Variants in FRMPD4 observed in about 807,000 individuals in gnomAD.
FRMPD4 encodes the protein FERM and PDZ domain-containing protein 4.
In FRMPD4, 22 loss-of-function variants were observed where a neutral mutation model predicts 94.1. The observed-to-expected ratio is 0.23, with a 90% confidence interval of 0.17 to 0.33. FRMPD4 has a LOEUF of 0.33. Ranked by LOEUF, FRMPD4 falls within the 10% of genes least tolerant of loss-of-function variation. FRMPD4 has a pLI of 1.00. For missense variants in FRMPD4, 1,111 were observed against 1,339.9 expected, an observed-to-expected ratio of 0.83 and a Z score of 2.67; for synonymous variants, 631 against 548.6, an observed-to-expected ratio of 1.15 and a Z score of -2.10.
chrX:12,054,705 A>G (rs1158453513), intron 3 of FRMPD4: 1 of 112,218 alleles, frequency 8.9e-6, no homozygotes, highest in Non-Finnish European at 1.9e-5. Context: ...AACTCTGGCA[A>G]GATGAACATA....
At chrX:11,987,422 A>C (rs1169950360) in intron 3 of FRMPD4, among the ~76,000 whole-genome samples, 1 of 111,673 alleles carries the variant, frequency 9.0e-6, no homozygotes, top group Non-Finnish European at 1.9e-5. Flanking sequence ...AACATACCTC[A>C]ACATGATAAA....
intron 3 of FRMPD4, among the ~76,000 whole-genome samples, chrX:11,880,525 A>C: frequency 1.8e-5 from 2 of 112,255 alleles, no homozygotes; most frequent in South Asian, 7.4e-4. Context: ...GACTTGGGAA[A>C]AGGAGTGAGT....
intron 2 of FRMPD4, among the ~76,000 whole-genome samples, chrX:12,507,954 A>G (rs990467263): frequency 8.9e-6 from 1 of 112,126 alleles, no homozygotes; most frequent in Admixed American, 9.5e-5. Flanking sequence ...TACAGAGGAC[A>G]GGAAATGATA....
intron 4 of FRMPD4, among the ~76,000 whole-genome samples, chrX:12,636,010 A>G (rs1375743866): frequency 1.8e-5 from 2 of 111,789 alleles, no homozygotes; most frequent in African/African-American, 6.5e-5. Context: ...ATAGTTCAGT[A>G]TGTGTCTCTA....
chrX:12,153,556 A>C (rs1403441519), intron 1 of FRMPD4, among the ~76,000 whole-genome samples: 4 of 112,235 alleles, frequency 3.6e-5, no homozygotes, highest in African/African-American at 1.3e-4. Flanking sequence ...TTTCATTCCG[A>C]TGTGGTCATG....
intron 1 of FRMPD4, among the ~76,000 whole-genome samples, chrX:12,287,113 G>T (rs1353434636): frequency 8.9e-6 from 1 of 112,518 alleles, no homozygotes; most frequent in Non-Finnish European, 1.9e-5. Flanking sequence ...GCACTATCTA[G>T]ATGTTAGGAA....
chrX:11,912,571 GA>G (rs1162109466), intron 3 of FRMPD4, among the ~76,000 whole-genome samples: 3 of 111,159 alleles, frequency 2.7e-5, no homozygotes, highest in African/African-American at 6.5e-5. Context: ...ACCTATGAAG[GA>G]AAAAAAGTCC....
intron 3 of FRMPD4, among the ~76,000 whole-genome samples, chrX:11,948,663 C>A (rs1315166294): frequency 9.0e-6 from 1 of 110,857 alleles, no homozygotes; most frequent in Non-Finnish European, 1.9e-5. Context: ...AACCACTCTG[C>A]CTTACTGCCA....
intron 1 of FRMPD4, among the ~76,000 whole-genome samples, chrX:12,445,164 G>T (rs912918821): frequency 8.9e-6 from 1 of 111,911 alleles, no homozygotes; most frequent in African/African-American, 3.2e-5. Context: ...GTAGAGCAGT[G>T]TTTCTCAAAG....
intron 3 of FRMPD4, among the ~76,000 whole-genome samples, chrX:11,886,800 A>G (rs2053847822): frequency 1.8e-5 from 2 of 110,576 alleles, no homozygotes; most frequent in Admixed American, 9.7e-5. Flanking sequence ...AAAATCTGAT[A>G]ATTATATCTT....
intron 1 of FRMPD4, among the ~76,000 whole-genome samples, chrX:12,294,485 C>CACACACACACACACAGAGAG (rs34874624): frequency 2.2e-5 from 2 of 92,097 alleles, no homozygotes; most frequent in East Asian, 3.7e-4. Context: ...CACACACACA[C>CACACACACACACACAGAGAG]AGAGAGAGAG....
At chrX:12,196,603 A>G in intron 1 of FRMPD4, among the ~76,000 whole-genome samples, 1 of 109,071 alleles carries the variant, frequency 9.2e-6, no homozygotes. Flanking sequence ...TAAAGTAGAG[A>G]ACATTTGTTG....
intron 5 of FRMPD4, among the ~76,000 whole-genome samples, chrX:12,680,155 A>G (rs933914783): frequency 5.3e-5 from 6 of 112,563 alleles, no homozygotes; most frequent in Admixed American, 4.7e-4. Flanking sequence ...CAAAAGCATC[A>G]GGAGCATTCC....
intron 3 of FRMPD4, among the ~76,000 whole-genome samples, chrX:11,977,718 G>A (rs1168792785): frequency 9.0e-6 from 1 of 110,526 alleles, no homozygotes. Flanking sequence ...GCTGGGGTTG[G>A]GGGTTTGGGG....
intron 1 of FRMPD4, among the ~76,000 whole-genome samples, chrX:12,369,981 A>ATACT (rs1383358991): frequency 8.9e-6 from 1 of 112,287 alleles, no homozygotes. Flanking sequence ...CTCCTCTCCA[A>ATACT]TACTTAATGG....
At chrX:12,035,081 A>G (rs1010147813) in intron 3 of FRMPD4, among the ~76,000 whole-genome samples, 1 of 112,216 alleles carries the variant, frequency 8.9e-6, no homozygotes, top group African/African-American at 3.2e-5. Flanking sequence ...TCATTTGCAC[A>G]ATCAGGATGC....
At chrX:12,206,384 C>T (rs1305419739) in intron 1 of FRMPD4, among the ~76,000 whole-genome samples, 1 of 111,581 alleles carries the variant, frequency 9.0e-6, no homozygotes. Context: ...AACCTTCTTA[C>T]ATTTGGAGAC....
At chrX:12,709,217 C>A (rs1483421962) in intron 13 of FRMPD4, among the ~76,000 whole-genome samples, 4 of 111,645 alleles carry the variant, frequency 3.6e-5, no homozygotes, top group African/African-American at 1.3e-4. Flanking sequence ...AGTACAGGGG[C>A]TTTGGCAGGA....
chrX:12,679,149 C>G (rs2059936071), intron 5 of FRMPD4, among the ~76,000 whole-genome samples: 1 of 112,094 alleles, frequency 8.9e-6, no homozygotes, highest in Admixed American at 9.4e-5. Flanking sequence ...TGAGTCTTTG[C>G]CTGTGGGCTC....
Sources: allele counts gnomAD v4.1 joint callset (sites outside exome capture counted in the v4.1 genomes callset), GRCh38; gene constraint gnomAD v4.1.1; transcripts MANE v1.5; gene names NCBI Gene and HGNC (gene_info 2026-07-23, HGNC 2026-07-21).